Variants in DCAF6 observed in about 807,000 individuals in gnomAD.
DCAF6 encodes DDB1 and CUL4 associated factor 6.
Under a neutral mutation model 125.1 loss-of-function variants are expected in DCAF6, and 54 were observed. That is an observed-to-expected ratio of 0.43 (90% CI 0.35 to 0.54). DCAF6 has a LOEUF of 0.54. Among genes scored for constraint, DCAF6 ranks in the 20% least tolerant of loss-of-function variants. The pLI, the probability that DCAF6 is intolerant of heterozygous loss-of-function variation, is 0.01. For missense variants in DCAF6, 934 were observed against 1,161.7 expected, an observed-to-expected ratio of 0.80 and a Z score of 2.85; for synonymous variants, 371 against 390.4, an observed-to-expected ratio of 0.95 and a Z score of 0.58.
the DCAF6 span, among the ~76,000 whole-genome samples, chr1:167,874,439 C>T: frequency 1.3e-5 from 2 of 152,198 alleles, no homozygotes; most frequent in Non-Finnish European, 2.9e-5. Flanking sequence ...TACCACTATA[C>T]ACCCAACAGA....
At chr1:167,876,299 C>G in the DCAF6 span, among the ~76,000 whole-genome samples, 1 of 151,428 alleles carries the variant, frequency 6.6e-6, no homozygotes, top group Non-Finnish European at 1.5e-5. Context: ...GTTCATTTTG[C>G]CAGTGAGGAA....
At chr1:167,909,839 C>T in the DCAF6 span, among the ~76,000 whole-genome samples, 8 of 152,092 alleles carry the variant, frequency 5.3e-5, no homozygotes, top group African/African-American at 1.9e-4. Flanking sequence ...AGGAGACAGG[C>T]CATTTCTCTT....
rs558706272 is a variant in DCAF6, at chr1:168,019,543, A to G, written c.1550-3445A>G. The G allele has an allele frequency of 2.8e-4, 127 of 455,990 alleles. 1 individual carries two copies. Among genetic ancestry groups the G allele is most frequent in the South Asian group, 1.7e-3 (110 of 64,498 alleles). The allele number at this position is 455,990 out of a possible 1,614,324, so 28.2% of individuals were successfully genotyped here. A position where few individuals can be genotyped will look rare whatever the true frequency, so the allele number is the denominator to read the frequency against. Reference sequence around the variant, plus strand: ...AAGCCCAACTCTTTTTTTCCATTTCAGGTCCCCTGAAGTCATGGGTTGCTG... The same window carrying G: ...AAGCCCAACTCTTTTTTTCCATTTCGGGTCCCCTGAAGTCATGGGTTGCTG... On this transcript the variant is annotated intron_variant, in intron 11 of 21. Transcript: ENST00000367840.
At chr1:167,950,752 C>G (rs1392973888) in intron 1 of DCAF6, among the ~76,000 whole-genome samples, 1 of 152,142 alleles carries the variant, frequency 6.6e-6, no homozygotes. Flanking sequence ...TTCATTACAG[C>G]TTCTGAATAA....
chr1:167,918,394 T>C, the DCAF6 span: 242 of 1,345,644 alleles, frequency 1.8e-4, 3 homozygotes, highest in South Asian at 2.6e-3. Context: ...TAATCATCAA[T>C]AATAATAGAC....
chr1:167,935,206 T>G (rs1671064059), upstream of DCAF6, among the ~76,000 whole-genome samples: 1 of 152,106 alleles, frequency 6.6e-6, no homozygotes, highest in Admixed American at 6.5e-5. Flanking sequence ...ACTGGACCTA[T>G]GGGATGAGAA....
At chr1:167,975,662 C>T (rs940655844) in intron 4 of DCAF6, among the ~76,000 whole-genome samples, 2 of 152,206 alleles carry the variant, frequency 1.3e-5, no homozygotes, top group African/African-American at 4.8e-5. Flanking sequence ...CTTCTCACCT[C>T]AGCCTCTTGA....
chr1:167,864,180 G>A, the DCAF6 span, among the ~76,000 whole-genome samples: 6 of 152,168 alleles, frequency 3.9e-5, no homozygotes, highest in East Asian at 3.8e-4. Flanking sequence ...AAGTGTGTGC[G>A]TGCCCTTTTT....
the DCAF6 span, among the ~76,000 whole-genome samples, chr1:167,890,245 T>C: frequency 2.6e-5 from 4 of 152,242 alleles, no homozygotes; most frequent in South Asian, 8.3e-4. Flanking sequence ...TGTTGTGATC[T>C]AAGCCATATC....
chr1:167,868,735 C>T, the DCAF6 span, among the ~76,000 whole-genome samples: 1 of 152,180 alleles, frequency 6.6e-6, no homozygotes, highest in Non-Finnish European at 1.5e-5. Context: ...AAAAGCGAAA[C>T]ATAGCCATAG....
chr1:167,939,762 C>CATAAATAAATAA (rs144622238), intron 1 of DCAF6, among the ~76,000 whole-genome samples: 11,058 of 151,342 alleles, frequency 0.073, 467 homozygotes, highest in Middle Eastern at 0.095. Flanking sequence ...AACTCTGCGT[C>CATAAATAAATAA]ATAAATAAAT....
intron 2 of DCAF6, among the ~76,000 whole-genome samples, chr1:167,956,964 G>A (rs1262189023): frequency 1.3e-5 from 2 of 151,928 alleles, no homozygotes. Context: ...GGTTTGTTTT[G>A]TGGCCCAGAA....
intron 4 of DCAF6, among the ~76,000 whole-genome samples, chr1:167,977,953 G>C (rs143069307): frequency 6.6e-6 from 1 of 151,918 alleles, no homozygotes; most frequent in African/African-American, 2.4e-5. Context: ...TAATACCCCT[G>C]TTTTTCTGTT....
chr1:167,874,037 A>T, the DCAF6 span, among the ~76,000 whole-genome samples: 1 of 152,182 alleles, frequency 6.6e-6, no homozygotes, highest in African/African-American at 2.4e-5. Flanking sequence ...CAGGTACTTT[A>T]AAAAAATGTC....
the DCAF6 span, among the ~76,000 whole-genome samples, chr1:167,884,407 TA>T: frequency 6.6e-6 from 1 of 152,102 alleles, no homozygotes; most frequent in Admixed American, 6.6e-5. Flanking sequence ...AGCAAGGGTA[TA>T]ATCCACCCCT....
At chr1:168,036,082 A>C (rs1462770023) in intron 12 of DCAF6, among the ~76,000 whole-genome samples, 2 of 152,166 alleles carry the variant, frequency 1.3e-5, no homozygotes, top group African/African-American at 4.8e-5. Context: ...AAAACAAAAC[A>C]AAACAAAAAA....
At chr1:168,008,216 G>A (rs993871077) in intron 10 of DCAF6, among the ~76,000 whole-genome samples, 16 of 151,814 alleles carry the variant, frequency 1.1e-4, no homozygotes, top group African/African-American at 3.9e-4. Flanking sequence ...CAGTCCATCC[G>A]CCTCGGCCTC....
chr1:168,030,052 C>A (rs1181155382), intron 12 of DCAF6, among the ~76,000 whole-genome samples: 2 of 151,578 alleles, frequency 1.3e-5, no homozygotes. Flanking sequence ...GTGTCTCAAA[C>A]CCAAGAGGTC....
intron 7 of DCAF6, among the ~76,000 whole-genome samples, chr1:167,997,113 A>G (rs770320910): frequency 1.6e-4 from 25 of 152,136 alleles, no homozygotes; most frequent in Non-Finnish European, 2.8e-4. Flanking sequence ...AAGGTGCTCA[A>G]AAAATATTTG....
Sources: allele counts gnomAD v4.1 joint callset (sites outside exome capture counted in the v4.1 genomes callset), GRCh38; gene constraint gnomAD v4.1.1; transcripts MANE v1.5; gene names NCBI Gene and HGNC (gene_info 2026-07-23, HGNC 2026-07-21).